Variants in AGAP1 observed in about 807,000 individuals in gnomAD.
The protein encoded by AGAP1 is arf-GAP with GTPase, ANK repeat and PH domain-containing protein 1.
In AGAP1, 29 loss-of-function variants were observed where a neutral mutation model predicts 105.3. The observed-to-expected ratio is 0.28, with a 90% CI of 0.21 to 0.38. AGAP1 has a LOEUF of 0.38. Ranked by LOEUF, AGAP1 falls within the 10% of genes least tolerant of loss-of-function variation. The probability of loss-of-function intolerance (pLI) is 1.00; values close to 1 mark genes in which losing one functional copy is unlikely to be tolerated. For synonymous variants in AGAP1, 509 were observed against 485.9 expected, an observed-to-expected ratio of 1.05 and a Z score of -0.63; for missense variants, 998 against 1,165.1, an observed-to-expected ratio of 0.86 and a Z score of 2.09.
intron 1 of AGAP1, among the ~76,000 whole-genome samples, chr2:235,592,709 G>A (rs931058761): frequency 2.6e-5 from 4 of 152,140 alleles, no homozygotes; most frequent in South Asian, 2.1e-4. Flanking sequence ...AGATATGGGC[G>A]CATCTTAGTT....
In AGAP1 at chr2:235,777,812, CAG is replaced by C; in HGVS notation, c.674-19943_674-19942del. On this transcript the variant is annotated intron_variant, in intron 6 of 17. Coordinates refer to ENST00000304032, the MANE Select transcript of AGAP1 (RefSeq NM_001037131.3). This position sits in a 1 kb window ranked among gnomAD's most constrained non-coding sequence, Gnocchi z 5.1. ...ATGTAATTGACTCAGTTGACACATACAGAGATAGAACAAATATGGCAAAGGAC... is the reference window on the plus strand; with the variant it reads ...ATGTAATTGACTCAGTTGACACATACAGATAGAACAAATATGGCAAAGGAC... 6.6e-6 allele frequency among the ~76,000 whole-genome samples: 1 copy of C among 152,294 alleles called. No individual in the cohort carries two copies. The highest frequency in any genetic ancestry group is 2.1e-4 in the South Asian group (1 of 4,828).
chr2:236,005,211 A>G lies in AGAP1; in HGVS notation c.1646-31350A>G, dbSNP rs530179161. Among the ~76,000 whole-genome samples, 66 of 152,122 alleles carry G rather than the reference A, an allele frequency of 4.3e-4. No homozygotes were observed. Among genetic ancestry groups the G allele is most frequent in the African/African-American group, 1.4e-3 (58 of 41,502 alleles). ...ACCCAGGCTGGAGTGCAATGGTGCA[A>G]TCTTGGCTCTTGCAACCTCCGCCTC... is the stretch of plus-strand genomic sequence containing the variant. On this transcript the variant is annotated intron_variant, in intron 13 of 17. Transcript: ENST00000304032. The surrounding 1 kb of genome is among the most constrained non-coding windows in gnomAD (Gnocchi z 4.1).
Position 235,716,180 on chromosome 2 carries a change from G to A in AGAP1, c.223-1377G>A, listed in dbSNP as rs186584465. Among the ~76,000 whole-genome samples the A allele has an allele frequency of 8.5e-4, 130 of 152,318 alleles. 3 individuals carry two copies. The East Asian group carries it at 0.02, about 24-fold the overall frequency. On this transcript the variant is annotated intron_variant, in intron 2 of 17. Coordinates refer to ENST00000304032, the MANE Select transcript of AGAP1 (RefSeq NM_001037131.3). The surrounding 1 kb of genome is among the most constrained non-coding windows in gnomAD (Gnocchi z 4.0). ...GAGAGAAGGTTGGATGTGGACAGGC[G>A]CATGTTGGGACATTAGAGTGGAGGA...
chr2:235,873,917 C>T (rs942325970), intron 9 of AGAP1, among the ~76,000 whole-genome samples: 3 of 152,188 alleles, frequency 2.0e-5, no homozygotes, highest in Admixed American at 6.5e-5. Context: ...TTTGTAGAGA[C>T]GGGGTTTCAA....
In AGAP1 at chr2:235,951,054, T is replaced by G. The variant is rs1177305652; in HGVS notation, c.1484-17408T>G. ...ATAGTAATGGTGAATTACTCATAGT[T>G]TTCTGCTGGAAGTAAATTTAATTCT... On this transcript the variant is annotated intron_variant, in intron 12 of 17. Transcript: ENST00000304032. This position sits in a 1 kb window ranked among gnomAD's most constrained non-coding sequence, Gnocchi z 4.2. Among the ~76,000 whole-genome samples the G allele has an allele frequency of 1.3e-5, 2 of 152,176 alleles. No homozygotes were observed. The highest frequency in any genetic ancestry group is 2.9e-5 in the Non-Finnish European group (2 of 68,022).
At position 235,845,746 on chromosome 2, in the gene AGAP1, T is replaced by G. The variant is rs1961407588; in HGVS notation, c.1051-37599T>G. On this transcript the variant is annotated intron_variant, in intron 9 of 17. Coordinates refer to ENST00000304032, the MANE Select transcript of AGAP1 (RefSeq NM_001037131.3). The surrounding 1 kb of genome is among the most constrained non-coding windows in gnomAD (Gnocchi z 4.8). ...ATGTCATCTATTAACCTTCTCCAGC[T>G]GCTCCGAGATGGTCACCAAGTCCTT... 6.6e-6 allele frequency among the ~76,000 whole-genome samples: 1 copy of G among 152,158 alleles called. No individual in the cohort carries two copies. The highest frequency in any genetic ancestry group is 2.1e-4 in the South Asian group (1 of 4,820).
chr2:235,827,042 G>A (rs1959109568), intron 9 of AGAP1, among the ~76,000 whole-genome samples: 1 of 152,252 alleles, frequency 6.6e-6, no homozygotes, highest in South Asian at 2.1e-4. Flanking sequence ...AGGAGGAGGG[G>A]AGCTCTTCAC....
At chr2:235,913,216 A>G (rs2051703896) in intron 11 of AGAP1, among the ~76,000 whole-genome samples, 2 of 152,100 alleles carry the variant, frequency 1.3e-5, no homozygotes, top group South Asian at 2.1e-4. Flanking sequence ...ATATACTTCT[A>G]AGTTTTAATT....
chr2:235,920,270 C>G (rs1469857113), intron 11 of AGAP1, among the ~76,000 whole-genome samples: 1 of 152,126 alleles, frequency 6.6e-6, no homozygotes. Context: ...TAGCGTCTGA[C>G]ATGGTAAATA....
Position 235,808,602 on chromosome 2 carries a change from G to A in AGAP1, c.1050+1271G>A, listed in dbSNP as rs140650489. Among the ~76,000 whole-genome samples the A allele has an allele frequency of 1.2e-3, 178 of 152,272 alleles. 1 individual carries two copies. Among genetic ancestry groups the A allele is most frequent in the African/African-American group, 4.1e-3 (172 of 41,552 alleles). ...CAAAAACCACACCTCTGCCCACAGC[G>A]TAACCGACCCTGCCCGGGAGCAAGC... is the stretch of plus-strand genomic sequence containing the variant. On this transcript the variant is annotated intron_variant, in intron 9 of 17. Transcript: ENST00000304032.
intron 11 of AGAP1, among the ~76,000 whole-genome samples, chr2:235,929,118 C>T (rs998907906): frequency 1.3e-5 from 2 of 152,212 alleles, no homozygotes; most frequent in African/African-American, 4.8e-5. Flanking sequence ...CCGAGGCTTC[C>T]GAGCCACTGC....
intron 1 of AGAP1, among the ~76,000 whole-genome samples, chr2:235,585,892 C>T (rs934767112): frequency 1.3e-5 from 2 of 152,070 alleles, no homozygotes; most frequent in African/African-American, 4.8e-5. Context: ...CTGGAGAGCA[C>T]AGGTGAGTTG....
At position 235,882,770 on chromosome 2, in the gene AGAP1, C is replaced by T. The variant is rs1386552676; in HGVS notation, c.1051-575C>T. ...GATTACAGGCGTGAGCCACCGTGCC[C>T]GGCCTGGTTAATGCAGTTTTTTTAG... On this transcript the variant is annotated intron_variant, in intron 9 of 17. Transcript: ENST00000304032. This position sits in a 1 kb window ranked among gnomAD's most constrained non-coding sequence, Gnocchi z 4.6. 2.0e-5 allele frequency among the ~76,000 whole-genome samples: 3 copies of T among 152,116 alleles called. No homozygotes were observed. The highest frequency in any genetic ancestry group is 2.0e-4 in the Admixed American group (3 of 15,268).
chr2:235,686,549 AT>A (rs1949390256), intron 1 of AGAP1, among the ~76,000 whole-genome samples: 1 of 47,522 alleles, frequency 2.1e-5, no homozygotes, highest in Non-Finnish European at 4.2e-5. Flanking sequence ...GGAAGGAGAT[AT>A]ATATATACAC....
intron 13 of AGAP1, among the ~76,000 whole-genome samples, chr2:235,998,585 T>TCTATGG (rs1301669677): frequency 2.0e-5 from 3 of 148,246 alleles, no homozygotes; most frequent in African/African-American, 7.3e-5. Flanking sequence ...TAAATATAAG[T>TCTATGG]CTATGGTAAG....
intron 16 of AGAP1, among the ~76,000 whole-genome samples, chr2:236,081,237 G>A (rs2058772168): frequency 6.6e-6 from 1 of 152,146 alleles, no homozygotes; most frequent in Non-Finnish European, 1.5e-5. Flanking sequence ...AGTAAGGACA[G>A]TGGGCAGGAG....
intron 6 of AGAP1, among the ~76,000 whole-genome samples, chr2:235,781,734 A>G (rs1359285132): frequency 6.6e-6 from 1 of 152,198 alleles, no homozygotes; most frequent in African/African-American, 2.4e-5. Flanking sequence ...GCCTGAGCCA[A>G]TGGAAGCTGT....
At chr2:236,079,310 G>A (rs2125828560) in intron 16 of AGAP1, among the ~76,000 whole-genome samples, 1 of 149,848 alleles carries the variant, frequency 6.7e-6, no homozygotes, top group East Asian at 1.9e-4. Context: ...CTTGAGGCCA[G>A]GAGTTCGAGA....
In AGAP1 at chr2:235,843,226, G is replaced by A. The variant is rs1429505208; in HGVS notation, c.1050+35895G>A. On this transcript the variant is annotated intron_variant, in intron 9 of 17. Transcript: ENST00000304032. The surrounding 1 kb of genome is among the most constrained non-coding windows in gnomAD (Gnocchi z 5.9). ...CATCACCAGCCCTCCTTCTTAGAGA[G>A]TGGTCTTCGGGAGGACCTGAGCTTC... Among the ~76,000 whole-genome samples the A allele has an allele frequency of 6.6e-6, 1 of 151,356 alleles. No homozygotes were observed. The highest frequency in any genetic ancestry group is 1.5e-5 in the Non-Finnish European group (1 of 67,822).
Sources: allele counts gnomAD v4.1 joint callset (sites outside exome capture counted in the v4.1 genomes callset), GRCh38; gene constraint gnomAD v4.1.1; non-coding constraint Gnocchi (gnomAD v3.1); transcripts MANE v1.5; gene names NCBI Gene and HGNC (gene_info 2026-07-23, HGNC 2026-07-21).